PTPRG: variants seen among roughly 807,000 people sequenced by gnomAD.
PTPRG encodes receptor-type tyrosine-protein phosphatase gamma.
PTPRG carries 102 observed loss-of-function variants against 165.3 expected under a neutral mutation model. That is an observed-to-expected ratio of 0.62 (90% confidence interval 0.53 to 0.73). PTPRG has a LOEUF of 0.73. Ranked by LOEUF, PTPRG falls within the 30% of genes least tolerant of loss-of-function variation. The pLI, the probability that PTPRG is intolerant of heterozygous loss-of-function variation, is 0.00. For synonymous variants in PTPRG, 675 were observed against 669.5 expected (o/e 1.01, Z -0.13); for missense variants, 1,866 against 1,861.4 (o/e 1.00, Z -0.05).
chr3:61,965,883 A>G (rs1034692630), intron 2 of PTPRG, among the ~76,000 whole-genome samples: 3 of 152,232 alleles, frequency 2.0e-5, no homozygotes, highest in African/African-American at 4.8e-5. Flanking sequence ...TCTAGGATTC[A>G]TGGTCTTTAT....
At chr3:62,116,247 A>G (rs17683562) in intron 5 of PTPRG, among the ~76,000 whole-genome samples, 13,814 of 152,190 alleles carry the variant, frequency 0.091, 761 homozygotes, top group South Asian at 0.13. Flanking sequence ...TCCATCTAGT[A>G]TCAGGTAGGC....
intron 4 of PTPRG, among the ~76,000 whole-genome samples, chr3:62,061,538 C>A (rs545365290): frequency 2.0e-5 from 3 of 152,250 alleles, no homozygotes; most frequent in Admixed American, 2.0e-4. Flanking sequence ...CTATCAGAGT[C>A]TCAAGATGCT....
intron 1 of PTPRG, among the ~76,000 whole-genome samples, chr3:61,660,405 G>C (rs1156594486): frequency 1.3e-5 from 2 of 152,102 alleles, no homozygotes; most frequent in Non-Finnish European, 2.9e-5. Flanking sequence ...TTGACCAGGA[G>C]GTAAACCTGA....
chr3:61,833,746 G>A (rs2036378059), intron 2 of PTPRG, among the ~76,000 whole-genome samples: 1 of 151,996 alleles, frequency 6.6e-6, no homozygotes, highest in Non-Finnish European at 1.5e-5. Context: ...TGTATTTTTA[G>A]TAGAGACGGG....
intron 2 of PTPRG, among the ~76,000 whole-genome samples, chr3:61,812,943 T>C (rs1358769455): frequency 6.6e-6 from 1 of 152,256 alleles, no homozygotes; most frequent in Non-Finnish European, 1.5e-5. Flanking sequence ...AAATGCCCCC[T>C]TGCTTTCTGG....
chr3:62,290,550 G>A (rs755488997), intron 28 of PTPRG, among the ~76,000 whole-genome samples: 2 of 152,152 alleles, frequency 1.3e-5, no homozygotes, highest in Non-Finnish European at 1.5e-5. Context: ...TAAGGAATTG[G>A]GATACACGTG....
In PTPRG at chr3:62,255,178, A is replaced by G. The variant is rs751085237; in HGVS notation, c.2522A>G (p.Tyr841Cys). The G allele has an allele frequency of 1.2e-5, 19 of 1,613,394 alleles. No homozygotes were observed. Among genetic ancestry groups the G allele is most frequent in the South Asian group, 1.1e-4 (10 of 91,018 alleles). The change falls in exon 16 of 30, where the codon TAT becomes TGT. Residue 841 changes from tyrosine (Y) to cysteine (C), a missense_variant. Transcript: ENST00000474889. This position sits in a 1 kb window ranked among gnomAD's most constrained non-coding sequence, Gnocchi z 4.0. ...TTTGTCAAACACATCGGTGAGCTCT[A>G]TTCTAATAACCAGCATGGGTTCTCT... ...KQFVKHIGEL[Y>C]SNNQHGFSED...
chr3:61,860,434 C>CTTTTTTTTTTTTTTT (rs766688465), intron 2 of PTPRG, among the ~76,000 whole-genome samples: 5 of 95,532 alleles, frequency 5.2e-5, no homozygotes, highest in African/African-American at 1.2e-4. Flanking sequence ...GTTTTTGTTC[C>CTTTTTTTTTTTTTTT]TTTTTTTTTT....
Position 62,255,057 on chromosome 3 carries a change from T to G in PTPRG, c.2468-67T>G, listed in dbSNP as rs1701505985. On this transcript the variant is annotated intron_variant, in intron 15 of 29. Coordinates refer to ENST00000474889, the MANE Select transcript of PTPRG (RefSeq NM_002841.4). This position sits in a 1 kb window ranked among gnomAD's most constrained non-coding sequence, Gnocchi z 4.0. ...AGTATTTGTCTTAAGGATGCTTTGC[T>G]TTATCAGTGTAATTTGTTTTATGGA... The G allele has an allele frequency of 7.3e-7, 1 of 1,365,126 alleles. No individual in the cohort carries two copies. Among genetic ancestry groups the G allele is most frequent in the South Asian group, 1.3e-5 (1 of 79,916 alleles). The allele number at this position is 1,365,126 out of a possible 1,614,324, so 84.6% of individuals were successfully genotyped here.
At chr3:61,809,098 A>G (rs1280969386) in intron 2 of PTPRG, among the ~76,000 whole-genome samples, 1 of 150,708 alleles carries the variant, frequency 6.6e-6, no homozygotes, top group African/African-American at 2.4e-5. Context: ...AGAATGTGTA[A>G]AGTGTTAGTT....
At chr3:62,040,160 T>C (rs1700078860) in intron 4 of PTPRG, among the ~76,000 whole-genome samples, 1 of 152,328 alleles carries the variant, frequency 6.6e-6, no homozygotes, top group African/African-American at 2.4e-5. Flanking sequence ...CTCCTCCTAA[T>C]GAACATAAGA....
intron 24 of PTPRG, 137 bp from the exon 25 acceptor site, chr3:62,276,834 CT>C (rs1329416295): frequency 6.0e-6 from 4 of 663,556 alleles, no homozygotes; most frequent in Non-Finnish European, 1.0e-5. Context: ...AACACTTTAG[CT>C]TGTTTAAAAA....
intron 2 of PTPRG, among the ~76,000 whole-genome samples, chr3:61,921,152 C>G (rs573512648): frequency 1.4e-5 from 2 of 147,694 alleles, no homozygotes; most frequent in East Asian, 1.9e-4. Flanking sequence ...TCCTTCCTTC[C>G]TTCCTTCCTT....
intron 2 of PTPRG, among the ~76,000 whole-genome samples, chr3:61,822,562 T>A (rs1047995031): frequency 6.6e-6 from 1 of 152,198 alleles, no homozygotes; most frequent in Non-Finnish European, 1.5e-5. Context: ...TCTTTCCTGT[T>A]TGGAAAAACC....
intron 4 of PTPRG, among the ~76,000 whole-genome samples, chr3:62,045,438 C>A (rs1186971636): frequency 6.6e-6 from 1 of 152,198 alleles, no homozygotes; most frequent in Non-Finnish European, 1.5e-5. Context: ...GAAACAAATG[C>A]AGTTTTCTCC....
rs992166497 is a variant in PTPRG at position 61,947,681 on chromosome 3, C to G, written c.191-41944C>G. 5.9e-5 allele frequency among the ~76,000 whole-genome samples: 9 copies of G among 152,206 alleles called. 1 individual carries two copies. Among genetic ancestry groups the G allele is most frequent in the Non-Finnish European group, 8.8e-5 (6 of 68,042 alleles). Reference sequence around the variant, plus strand: ...GCCTCTGCCTGGGTTGGCTTCCTTTCTAGGCAGGCCCTTTCTTCGTGGTGG... The same window carrying G: ...GCCTCTGCCTGGGTTGGCTTCCTTTGTAGGCAGGCCCTTTCTTCGTGGTGG... On this transcript the variant is annotated intron_variant, in intron 2 of 29. Transcript: ENST00000474889.
chr3:61,578,504 G>T (rs1700216383), intron 1 of PTPRG, among the ~76,000 whole-genome samples: 1 of 152,208 alleles, frequency 6.6e-6, no homozygotes, highest in Non-Finnish European at 1.5e-5. Context: ...TCTGAGTAGT[G>T]TAGAGACATC....
At chr3:62,008,527 T>G (rs17766381) in intron 4 of PTPRG, among the ~76,000 whole-genome samples, 13,218 of 152,288 alleles carry the variant, frequency 0.087, 763 homozygotes, top group Non-Finnish European at 0.12. Context: ...ATGTACACGT[T>G]ACCATATGGT....
chr3:61,914,713 C>G (rs1385526721), intron 2 of PTPRG, among the ~76,000 whole-genome samples: 2 of 151,916 alleles, frequency 1.3e-5, no homozygotes, highest in Non-Finnish European at 2.9e-5. Flanking sequence ...CAATATTGAC[C>G]CATATCGAGG....
Sources: gnomAD v4.1 joint callset for allele counts (sites outside exome capture counted in the v4.1 genomes callset) on GRCh38, gnomAD v4.1.1 for gene constraint, Gnocchi (gnomAD v3.1) non-coding constraint, MANE v1.5 for transcripts, NCBI Gene and HGNC (gene_info 2026-07-23, HGNC 2026-07-21) for gene names.